The following NRCAM variants were observed in gnomAD, a reference collection of about 807,000 sequenced individuals.
NRCAM encodes NgCAM-related cell adhesion molecule.
NRCAM carries 83 observed loss-of-function variants against 156.5 expected under a neutral mutation model. That is an observed-to-expected ratio of 0.53 (90% confidence interval 0.44 to 0.64). The LOEUF is 0.64. NRCAM is among the 30% of genes least tolerant of loss of function. The probability of loss-of-function intolerance (pLI) is 0.00; values close to 1 mark genes in which losing one functional copy is unlikely to be tolerated. For synonymous variants in NRCAM, 538 were observed against 563.9 expected (o/e 0.95, Z 0.65); for missense variants, 1,417 against 1,597.3 (o/e 0.89, Z 1.92).
chr7:108,166,654 TTAAATAATA>T (rs2054558870), intron 30 of NRCAM, among the ~76,000 whole-genome samples: 1 of 152,348 alleles, frequency 6.6e-6, no homozygotes, highest in Middle Eastern at 3.4e-3. Flanking sequence ...ATTGAATTCT[TTAAATAATA>T]TAAGTTAAAA....
At chr7:108,190,315 G>T (rs538962021) in intron 19 of NRCAM, among the ~76,000 whole-genome samples, 1 of 152,276 alleles carries the variant, frequency 6.6e-6, no homozygotes, top group African/African-American at 2.4e-5. Flanking sequence ...ACAGTGTATA[G>T]ACAGACACAT....
At chr7:108,239,893 G>A (rs1283481428) in intron 4 of NRCAM, 66 bp downstream of exon 4, 2 of 975,664 alleles carry the variant, frequency 2.0e-6, no homozygotes, top group East Asian at 2.4e-5. Context: ...ACGCAGTTCA[G>A]AGTGATGATA....
intron 5 of NRCAM, 58 bp from the exon 6 acceptor site, chr7:108,234,746 G>T: frequency 8.3e-7 from 1 of 1,198,652 alleles, no homozygotes; most frequent in Non-Finnish European, 1.2e-6. Flanking sequence ...CATAATAGTA[G>T]CCATTTTTTC....
intron 18 of NRCAM, 83 bp from the exon 19 acceptor site, chr7:108,191,366 ACAT>A: frequency 9.5e-7 from 1 of 1,054,480 alleles, no homozygotes; most frequent in Non-Finnish European, 1.4e-6. Context: ...CAAAGACTGT[ACAT>A]TATTCAAGGT....
At chr7:108,269,995 T>G (rs2154039337) in intron 3 of NRCAM, among the ~76,000 whole-genome samples, 1 of 152,334 alleles carries the variant, frequency 6.6e-6, no homozygotes, top group South Asian at 2.1e-4. Context: ...AAACATTGCT[T>G]CTTTCCTTTG....
At chr7:108,455,114 G>A (rs1290022216) in intron 1 of NRCAM, among the ~76,000 whole-genome samples, 3 of 152,132 alleles carry the variant, frequency 2.0e-5, no homozygotes, top group Admixed American at 2.0e-4. Flanking sequence ...CAGCCCCGGG[G>A]CCCGGGGAGC....
intron 11 of NRCAM, among the ~76,000 whole-genome samples, chr7:108,215,731 C>CTTTTTTTTTTTTTTTT (rs60725485): frequency 7.8e-6 from 1 of 127,656 alleles, no homozygotes. Flanking sequence ...CAACCCCTGC[C>CTTTTTTTTTTTTTTTT]TTTTTTTTTT....
intron 14 of NRCAM, 128 bp from the exon 15 acceptor site, chr7:108,196,000 T>A: frequency 1.5e-6 from 1 of 676,866 alleles, no homozygotes; most frequent in Non-Finnish European, 2.7e-6. Flanking sequence ...TCTCTCCTTA[T>A]GTTCTCTATC....
chr7:108,328,334 T>A (rs1176968576), intron 2 of NRCAM: 1 of 152,220 alleles, frequency 6.6e-6, no homozygotes, highest in Non-Finnish European at 1.5e-5. Context: ...ATTAAAACGA[T>A]ACCTGAGAGG....
At chr7:108,183,067 T>G in intron 22 of NRCAM, 147 bp from the exon 23 acceptor site, 1 of 677,276 alleles carries the variant, frequency 1.5e-6, no homozygotes, top group Non-Finnish European at 2.5e-6. Flanking sequence ...TCCAGGGACC[T>G]TCTATCAATT....
intron 2 of NRCAM, among the ~76,000 whole-genome samples, chr7:108,320,391 G>A (rs755544477): frequency 2.6e-4 from 39 of 152,118 alleles, no homozygotes; most frequent in Non-Finnish European, 1.8e-4. Flanking sequence ...CTGGCAGGTC[G>A]AGGCAGCAGT....
intron 32 of NRCAM, among the ~76,000 whole-genome samples, chr7:108,155,879 T>G (rs2045102790): frequency 6.6e-6 from 1 of 152,158 alleles, no homozygotes; most frequent in Admixed American, 6.6e-5. Flanking sequence ...CTTTCCTTTC[T>G]CTTTCCCTAA....
chr7:108,259,917 T>A (rs1267977250), intron 3 of NRCAM, among the ~76,000 whole-genome samples: 1 of 152,178 alleles, frequency 6.6e-6, no homozygotes, highest in African/African-American at 2.4e-5. Flanking sequence ...GTTGGGTTGA[T>A]AAGTGCAGCA....
chr7:108,168,336 C>G lies in NRCAM; in HGVS notation c.3254G>C (p.Ser1085Thr), dbSNP rs573099511. Residue 1085 changes from serine (S) to threonine (T), a missense_variant, in exon 29 of 33, where the codon AGT (serine) becomes ACT (threonine). Ser to Thr is a moderately conservative substitution (Grantham distance 58). Transcript: ENST00000379028. ...ATGCTCTGGTCCCTCATATTCCCAACTGATATTGGCATAGGTCTCAGCAGC... is the reference window on the plus strand; with the variant it reads ...ATGCTCTGGTCCCTCATATTCCCAAGTGATATTGGCATAGGTCTCAGCAGC... ...AAAAETYANI[S>T]WEYEGPEHVN... 1 of 1,610,194 alleles carries G rather than the reference C, an allele frequency of 6.2e-7. No individual in the cohort carries two copies. The highest frequency in any genetic ancestry group is 8.5e-7 in the Non-Finnish European group (1 of 1,178,318).
chr7:108,307,031 C>T (rs17155405), intron 3 of NRCAM, among the ~76,000 whole-genome samples: 11,821 of 152,176 alleles, frequency 0.078, 482 homozygotes, highest in East Asian at 0.11. Context: ...GAGCATTCCT[C>T]CTATGAACAT....
intron 3 of NRCAM, among the ~76,000 whole-genome samples, chr7:108,260,062 C>A (rs1202983912): frequency 9.6e-6 from 1 of 104,588 alleles, no homozygotes; most frequent in African/African-American, 3.6e-5. Context: ...GAGGCTCAGA[C>A]AATTTCCATG....
chr7:108,363,660 C>T (rs542922084), intron 2 of NRCAM, among the ~76,000 whole-genome samples: 18 of 152,288 alleles, frequency 1.2e-4, no homozygotes, highest in African/African-American at 3.4e-4. Context: ...AATACTACCT[C>T]AGCCAGGTGA....
At position 108,182,894 on chromosome 7, in the gene NRCAM, C is replaced by T. The variant is rs748944620; in HGVS notation, c.2331G>A (p.Gly777=). ...AGCTAACTTTGTACTGAAGGCCTGG[C>T]CCATTAGATTCGAAACCATTCAAGG... ...WKPLNGFESN[G]PGLQYKVSWR... is the part of the protein sequence containing the mutation. The change falls in exon 23 of 33, where the codon GGG becomes GGA. Residue 777 remains glycine, a synonymous_variant. Coordinates refer to ENST00000379028, the MANE Select transcript of NRCAM (RefSeq NM_001037132.4). 2.0e-5 allele frequency: 33 copies of T among 1,614,086 alleles called. No homozygotes were observed. The highest frequency in any genetic ancestry group is 2.6e-5 in the Non-Finnish European group (31 of 1,180,034).
At chr7:108,156,872 T>G (rs2151199894) in intron 32 of NRCAM, among the ~76,000 whole-genome samples, 1 of 152,302 alleles carries the variant, frequency 6.6e-6, no homozygotes, top group South Asian at 2.1e-4. Context: ...AAGATTCTGT[T>G]AATAAACAGT....
Sources: gnomAD v4.1 joint callset for allele counts (sites outside exome capture counted in the v4.1 genomes callset) on GRCh38, gnomAD v4.1.1 for gene constraint, MANE v1.5 for transcripts, NCBI Gene and HGNC (gene_info 2026-07-23, HGNC 2026-07-21) for gene names.